Variants in COL27A1 observed in about 807,000 individuals in gnomAD.
COL27A1 encodes the protein collagen type XXVII alpha 1 chain.
Under a neutral mutation model 251.3 loss-of-function variants are expected in COL27A1, and 106 were observed. The ratio of observed to expected loss-of-function variants is 0.42; its 90% CI spans 0.36 to 0.50. The LOEUF is 0.50. Ranked by LOEUF, COL27A1 falls within the 20% of genes least tolerant of loss-of-function variation. The pLI is 0.00. For missense variants in COL27A1, 2,325 were observed against 2,522.8 expected (o/e 0.92, Z 1.68); for synonymous variants, 1,000 against 986.3 (o/e 1.01, Z -0.26).
At chr9:114,294,812 C>T (rs2131640652) in intron 49 of COL27A1, among the ~76,000 whole-genome samples, 1 of 152,268 alleles carries the variant, frequency 6.6e-6, no homozygotes. Flanking sequence ...CACTTCTATT[C>T]AACATTGTAC....
At position 114,178,364 on chromosome 9, in the gene COL27A1, C is replaced by T; in HGVS notation, c.1962+20C>T. The T allele has an allele frequency of 1.2e-6, 2 of 1,612,278 alleles. No homozygotes were observed. The highest frequency in any genetic ancestry group is 1.7e-6 in the Non-Finnish European group (2 of 1,178,382). On this transcript the variant is annotated intron_variant, in intron 4 of 60. Transcript: ENST00000356083. ...CCTCGGGTGAGTTATCTCACACTGT[C>T]CTTTGGAACTCTTGGTGGCTCTTTG...
chr9:114,235,203 G>A (rs935357039), intron 16 of COL27A1, among the ~76,000 whole-genome samples: 1 of 152,124 alleles, frequency 6.6e-6, no homozygotes, highest in African/African-American at 2.4e-5. Context: ...CCGAAACCAC[G>A]TTGGTGTGGG....
At chr9:114,278,408 G>A (rs116990208) in intron 37 of COL27A1, among the ~76,000 whole-genome samples, 3 of 220 alleles carry the variant, frequency 0.014, no homozygotes, top group African/African-American at 0.037. Flanking sequence ...GGCGATGGTG[G>A]TGGTGATAGT....
In COL27A1 at chr9:114,169,379, C is replaced by CA; in HGVS notation, c.1824_1825insA (p.Tyr609IlefsTer84). 1 of 1,610,840 alleles carries CA rather than the reference C, an allele frequency of 6.2e-7. No homozygotes were observed. Among genetic ancestry groups the CA allele is most frequent in the Non-Finnish European group, 8.5e-7 (1 of 1,179,060 alleles). ...CCAGCCCCCGGCCCACGAGCAGTGG[C>CA]TATTCGATCTTCCACCTGGCAGGAT... On this transcript the variant is annotated frameshift_variant, in exon 3 of 61. Transcript: ENST00000356083. LOFTEE classifies it high-confidence loss of function.
At chr9:114,205,974 G>A (rs1482104010) in intron 9 of COL27A1, among the ~76,000 whole-genome samples, 162 bp downstream of exon 9, 1 of 152,160 alleles carries the variant, frequency 6.6e-6, no homozygotes, top group African/African-American at 2.4e-5. Context: ...AAGGAAGCCT[G>A]TCTTTGCAGG....
chr9:114,213,225 C>T (rs1588674309), intron 12 of COL27A1, among the ~76,000 whole-genome samples: 1 of 152,252 alleles, frequency 6.6e-6, no homozygotes, highest in East Asian at 1.9e-4. Context: ...CATGTTATGG[C>T]CTCTTCTCCA....
chr9:114,295,646 TG>T (rs200276770), intron 49 of COL27A1, among the ~76,000 whole-genome samples: 2 of 151,780 alleles, frequency 1.3e-5, no homozygotes, highest in African/African-American at 4.9e-5. Context: ...TACGGACAAC[TG>T]GTTTTTTTTT....
intron 49 of COL27A1, 73 bp from the exon 50 acceptor site, chr9:114,299,997 G>A (rs948450456): frequency 7.0e-5 from 102 of 1,455,282 alleles, no homozygotes; most frequent in Non-Finnish European, 9.7e-5. Context: ...GGCAGGCCCT[G>A]AGGTCCCAGG....
chr9:114,178,397 T>C, intron 4 of COL27A1, 53 bp downstream of exon 4: 2 of 1,516,888 alleles, frequency 1.3e-6, no homozygotes, highest in South Asian at 2.2e-5. Flanking sequence ...TTGGCCTGCG[T>C]CTCACTGCCC....
chr9:114,197,826 G>T (rs1829261334), intron 7 of COL27A1, among the ~76,000 whole-genome samples: 1 of 152,256 alleles, frequency 6.6e-6, no homozygotes, highest in South Asian at 2.1e-4. Flanking sequence ...ATGCACAGAA[G>T]AGTTTCGTCT....
In COL27A1 at chr9:114,282,389, A is replaced by T. The variant is rs903173113; in HGVS notation, c.3771+59A>T. On this transcript the variant is annotated intron_variant, in intron 38 of 60. Coordinates refer to ENST00000356083, the MANE Select transcript of COL27A1 (RefSeq NM_032888.4). ...TCCCTCCCCCGCATCCCTTCCCCAC[A>T]TCCCTCCCCTCCCTGGACCCTCCGT... is the stretch of plus-strand genomic sequence containing the variant. The T allele has an allele frequency of 1.3e-5, 21 of 1,602,630 alleles. No homozygotes were observed. In the African/African-American group the frequency reaches 2.6e-4, roughly 19 times the overall value.
intron 14 of COL27A1, among the ~76,000 whole-genome samples, chr9:114,227,575 C>T (rs191733119): frequency 2.0e-5 from 3 of 152,230 alleles, no homozygotes; most frequent in African/African-American, 7.2e-5. Flanking sequence ...CAGCATCGTC[C>T]CTGGCATGGC....
chr9:114,231,728 C>A, intron 15 of COL27A1, 94 bp from the exon 16 acceptor site: 2 of 1,260,272 alleles, frequency 1.6e-6, no homozygotes, highest in Non-Finnish European at 2.3e-6. Context: ...GGGGATCTAG[C>A]ACGGGGTCTT....
At chr9:114,292,240 C>T in intron 49 of COL27A1, 30 bp downstream of exon 49, 5 of 1,479,136 alleles carry the variant, frequency 3.4e-6, no homozygotes, top group Admixed American at 2.0e-5. Flanking sequence ...TACACATGCC[C>T]ACGCACTCAC....
chr9:114,283,688 G>A (rs528914754), intron 39 of COL27A1, 21 bp from the exon 40 acceptor site: 6 of 1,613,160 alleles, frequency 3.7e-6, no homozygotes, highest in East Asian at 2.2e-5. Flanking sequence ...CCATACCAAC[G>A]AGGGTCTCCT....
chr9:114,195,062 C>T (rs907970216), intron 6 of COL27A1, among the ~76,000 whole-genome samples: 1 of 152,122 alleles, frequency 6.6e-6, no homozygotes, highest in Non-Finnish European at 1.5e-5. Context: ...AGAGGGGAGC[C>T]CAGAACTCCA....
At chr9:114,181,082 T>C (rs1431818) in intron 4 of COL27A1, among the ~76,000 whole-genome samples, 34,915 of 152,110 alleles carry the variant, frequency 0.23, 5,362 homozygotes, top group African/African-American at 0.43. Context: ...CCCACAAGCC[T>C]GGGCTGGGGT....
intron 12 of COL27A1, among the ~76,000 whole-genome samples, chr9:114,212,144 A>G (rs561818145): frequency 6.6e-6 from 1 of 152,326 alleles, no homozygotes; most frequent in East Asian, 1.9e-4. Context: ...TCCACCCCCA[A>G]CCTAGACCCC....
chr9:114,261,787 G>C (rs940073285), intron 28 of COL27A1, among the ~76,000 whole-genome samples: 2 of 152,174 alleles, frequency 1.3e-5, no homozygotes, highest in African/African-American at 4.8e-5. Context: ...AGCTGACTTG[G>C]TCTCAAATTC....
Sources: allele counts gnomAD v4.1 joint callset (sites outside exome capture counted in the v4.1 genomes callset), GRCh38; gene constraint gnomAD v4.1.1; transcripts MANE v1.5; gene names NCBI Gene and HGNC (gene_info 2026-07-23, HGNC 2026-07-21).